The following COLEC10 variants were observed in gnomAD, a reference collection of about 807,000 sequenced individuals.
COLEC10 encodes collectin subfamily member 10, also known as collectin-10.
In COLEC10, 22 loss-of-function variants were observed where a neutral mutation model predicts 28.4. That is an observed-to-expected ratio of 0.78 (90% CI 0.55 to 1.11). The LOEUF is 1.11. Among genes scored for constraint, COLEC10 ranks in the 50% least tolerant of loss-of-function variants. COLEC10 has a pLI of 0.00. For missense variants in COLEC10, 361 were observed against 344.1 expected, an observed-to-expected ratio of 1.05 and a Z score of -0.39; for synonymous variants, 125 against 116.1, an observed-to-expected ratio of 1.08 and a Z score of -0.49.
intron 2 of COLEC10, among the ~76,000 whole-genome samples, chr8:119,058,587 G>T (rs546272352): frequency 2.4e-4 from 37 of 152,028 alleles, no homozygotes; most frequent in Non-Finnish European, 4.6e-4. Context: ...CATCTATGTT[G>T]CATGTATCAG....
At chr8:119,050,003 G>T (rs1223309299) in intron 2 of COLEC10, among the ~76,000 whole-genome samples, 12 of 152,160 alleles carry the variant, frequency 7.9e-5, no homozygotes. Flanking sequence ...CTGTTCTCAT[G>T]TTCCAGGACA....
chr8:119,089,552 C>G (rs1292010229), intron 1 of COLEC10, 128 bp from the exon 2 acceptor site: 9 of 667,632 alleles, frequency 1.3e-5, no homozygotes, highest in Admixed American at 1.3e-4. Context: ...CATCCATACT[C>G]ACAGCTGGAT....
At chr8:118,966,990 CA>C in the COLEC10 span, among the ~76,000 whole-genome samples, 2 of 152,000 alleles carry the variant, frequency 1.3e-5, no homozygotes, top group African/African-American at 4.8e-5. Context: ...TTTTGTTGAT[CA>C]ACTTTTTAAA....
chr8:119,104,194 CAGTA>C (rs1225423658), intron 5 of COLEC10, among the ~76,000 whole-genome samples: 6 of 152,076 alleles, frequency 3.9e-5, no homozygotes, highest in African/African-American at 9.7e-5. Flanking sequence ...TAAAAAGAGA[CAGTA>C]AGAGTCACAC....
At chr8:119,045,045 T>A (rs1814563867) in intron 2 of COLEC10, among the ~76,000 whole-genome samples, 1 of 152,206 alleles carries the variant, frequency 6.6e-6, no homozygotes, top group South Asian at 2.1e-4. Flanking sequence ...TTTCCACAAT[T>A]TTTTCCTTCC....
At chr8:119,102,258 T>C in intron 3 of COLEC10, 90 bp from the exon 4 acceptor site, 1 of 428,398 alleles carries the variant, frequency 2.3e-6, no homozygotes, top group Non-Finnish European at 4.3e-6. Context: ...TTCTTTTCCT[T>C]CCTTCATTCC....
At chr8:118,957,784 A>G in the COLEC10 span, among the ~76,000 whole-genome samples, 2 of 152,174 alleles carry the variant, frequency 1.3e-5, no homozygotes, top group Non-Finnish European at 2.9e-5. Flanking sequence ...TCACATACCC[A>G]TAATCTCACC....
chr8:119,014,515 A>G (rs77621916), intron 2 of COLEC10, among the ~76,000 whole-genome samples: 2,591 of 150,008 alleles, frequency 0.017, 88 homozygotes, highest in Middle Eastern at 0.031. Context: ...TATTGTCTGA[A>G]GTTTGAATAC....
At chr8:119,057,124 G>T (rs1290307201) in intron 2 of COLEC10, among the ~76,000 whole-genome samples, 7 of 151,926 alleles carry the variant, frequency 4.6e-5, no homozygotes. Flanking sequence ...AGGGAGGGAG[G>T]TGACTGGATC....
intron 2 of COLEC10, among the ~76,000 whole-genome samples, chr8:119,021,389 G>A (rs1563719226): frequency 6.6e-6 from 1 of 152,154 alleles, no homozygotes; most frequent in Non-Finnish European, 1.5e-5. Flanking sequence ...CCCTGCAGAT[G>A]AACTACAGCA....
intron 2 of COLEC10, among the ~76,000 whole-genome samples, chr8:119,018,085 C>T (rs1814026195): frequency 1.3e-5 from 2 of 152,176 alleles, no homozygotes; most frequent in South Asian, 2.1e-4. Flanking sequence ...ACCTGCTGTA[C>T]TTTGTTTGGA....
chr8:119,003,075 CTATT>C (rs1172817584), intron 1 of COLEC10, among the ~76,000 whole-genome samples: 7 of 152,086 alleles, frequency 4.6e-5, no homozygotes, highest in African/African-American at 9.7e-5. Context: ...GCATGTGTAA[CTATT>C]TAGGAACAGA....
chr8:118,994,568 A>G (rs1051617089), upstream of COLEC10, among the ~76,000 whole-genome samples: 1 of 152,170 alleles, frequency 6.6e-6, no homozygotes, highest in African/African-American at 2.4e-5. Context: ...CAAGGAAACA[A>G]AGTCGGCCAG....
At chr8:119,058,333 A>G (rs1323076999) in intron 2 of COLEC10, among the ~76,000 whole-genome samples, 1 of 151,988 alleles carries the variant, frequency 6.6e-6, no homozygotes, top group Non-Finnish European at 1.5e-5. Flanking sequence ...TAGTATGCTT[A>G]TATAGTTGTG....
In COLEC10 at chr8:119,103,727, AAG is replaced by A. The variant is rs1036851806; in HGVS notation, c.347-68_347-67del. Reference sequence around the variant, plus strand: ...CTAGAAAAAGATAGTGAATATTGGAAAGAGAGCAAATGTTCCTTTCCACTGGT... The same window carrying A: ...CTAGAAAAAGATAGTGAATATTGGAAAGAGCAAATGTTCCTTTCCACTGGT... On this transcript the variant is annotated intron_variant, in intron 4 of 5. Coordinates refer to ENST00000332843, the MANE Select transcript of COLEC10 (RefSeq NM_006438.5). 3 of 873,412 alleles carry A rather than the reference AAG, an allele frequency of 3.4e-6. No individual in the cohort carries two copies. The African/African-American group carries it at 5.0e-5, about 15-fold the overall frequency. 54.1% of individuals were successfully genotyped at this position (873,412 alleles called of 1,614,324 possible).
the COLEC10 span, among the ~76,000 whole-genome samples, chr8:118,981,298 A>G: frequency 6.6e-6 from 1 of 152,152 alleles, no homozygotes; most frequent in African/African-American, 2.4e-5. Flanking sequence ...ATGGGCACCA[A>G]ACTGAGCTCT....
chr8:119,042,441 C>T (rs1193355634), intron 2 of COLEC10, among the ~76,000 whole-genome samples: 4 of 151,162 alleles, frequency 2.6e-5, no homozygotes, highest in Admixed American at 6.6e-5. Flanking sequence ...TGTAAATAGC[C>T]GTGTTTTTAG....
the COLEC10 span, among the ~76,000 whole-genome samples, chr8:118,981,823 G>A: frequency 6.6e-6 from 1 of 152,092 alleles, no homozygotes; most frequent in East Asian, 1.9e-4. Flanking sequence ...AAACATTTAA[G>A]ATTGATTAAA....
At chr8:119,020,210 C>A (rs1210806499) in intron 2 of COLEC10, among the ~76,000 whole-genome samples, 2 of 152,002 alleles carry the variant, frequency 1.3e-5, no homozygotes, top group Non-Finnish European at 1.5e-5. Context: ...TCCCTAGGGC[C>A]TAGTATATTG....
Sources: allele counts gnomAD v4.1 joint callset (sites outside exome capture counted in the v4.1 genomes callset), GRCh38; gene constraint gnomAD v4.1.1; transcripts MANE v1.5; gene names NCBI Gene and HGNC (gene_info 2026-07-23, HGNC 2026-07-21).